Variants in CDH18 observed in about 807,000 individuals in gnomAD.
The protein encoded by CDH18 is cadherin 18.
CDH18 carries 31 observed loss-of-function variants against 67.9 expected under a neutral mutation model. The ratio of observed to expected loss-of-function variants is 0.46; its 90% CI spans 0.34 to 0.62. The LOEUF (loss-of-function observed/expected upper bound fraction) is 0.62. Ranked by LOEUF, CDH18 falls within the 20% of genes least tolerant of loss-of-function variation. The probability of loss-of-function intolerance (pLI) is 0.01; values close to 1 mark genes in which losing one functional copy is unlikely to be tolerated. For missense variants in CDH18, 890 were observed against 975.5 expected (o/e 0.91, Z 1.17); for synonymous variants, 362 against 347.2 (o/e 1.04, Z -0.48).
chr5:20,073,849 G>C (rs1485430179), intron 2 of CDH18, among the ~76,000 whole-genome samples: 1 of 152,060 alleles, frequency 6.6e-6, no homozygotes, highest in Admixed American at 6.5e-5. Context: ...CAGGATTATT[G>C]ATATGCCTAT....
intron 1 of CDH18, among the ~76,000 whole-genome samples, chr5:20,423,548 G>A (rs1748028414): frequency 6.6e-6 from 1 of 150,994 alleles, no homozygotes; most frequent in Non-Finnish European, 1.5e-5. Context: ...ACTGCAAGTA[G>A]AAAAAAGATG....
At chr5:20,505,042 C>T (rs1754575132) in intron 1 of CDH18, among the ~76,000 whole-genome samples, 1 of 151,970 alleles carries the variant, frequency 6.6e-6, no homozygotes, top group Non-Finnish European at 1.5e-5. Flanking sequence ...GCTGGGATTA[C>T]AGGTGTCGGC....
chr5:20,445,763 A>T (rs901581807), intron 1 of CDH18, among the ~76,000 whole-genome samples: 6 of 152,220 alleles, frequency 3.9e-5, no homozygotes, highest in African/African-American at 1.4e-4. Context: ...AATGGAGATT[A>T]ACAGAGCTGG....
chr5:19,617,578 T>A (rs887932601), intron 5 of CDH18, among the ~76,000 whole-genome samples: 2 of 152,234 alleles, frequency 1.3e-5, no homozygotes, highest in Admixed American at 1.3e-4. Context: ...GGTTACGGCA[T>A]ATTCTAAATG....
intron 5 of CDH18, among the ~76,000 whole-genome samples, chr5:19,651,043 A>G (rs768898616): frequency 1.1e-4 from 17 of 152,126 alleles, no homozygotes; most frequent in South Asian, 4.1e-4. Context: ...TGAGCATATT[A>G]TATGTCAACT....
chr5:20,072,930 T>C (rs1743610981), intron 2 of CDH18, among the ~76,000 whole-genome samples: 2 of 152,040 alleles, frequency 1.3e-5, no homozygotes, highest in Non-Finnish European at 2.9e-5. Context: ...ATCATTTAGT[T>C]GCTTGTTTTA....
chr5:20,470,820 C>T (rs62355175), intron 1 of CDH18, among the ~76,000 whole-genome samples: 10,750 of 152,246 alleles, frequency 0.071, 489 homozygotes, highest in African/African-American at 0.12. Context: ...GCACTGTATG[C>T]GCCAAGCTAT....
At chr5:19,750,373 G>T (rs1328474619) in intron 3 of CDH18, among the ~76,000 whole-genome samples, 1 of 152,078 alleles carries the variant, frequency 6.6e-6, no homozygotes, top group Non-Finnish European at 1.5e-5. Flanking sequence ...AGACTCTAGA[G>T]AAGTATTTTA....
At chr5:19,694,502 G>A (rs553618501) in intron 5 of CDH18, among the ~76,000 whole-genome samples, 3 of 152,160 alleles carry the variant, frequency 2.0e-5, no homozygotes, top group East Asian at 3.9e-4. Context: ...TCACACTTAC[G>A]AAGCTTTAAT....
intron 1 of CDH18, among the ~76,000 whole-genome samples, chr5:20,553,739 A>G (rs1249984689): frequency 6.6e-6 from 1 of 152,154 alleles, no homozygotes; most frequent in Non-Finnish European, 1.5e-5. Flanking sequence ...ATAAGACTGA[A>G]CAACATTCTT....
At chr5:20,126,454 G>A (rs561985905) in intron 2 of CDH18, among the ~76,000 whole-genome samples, 2 of 152,168 alleles carry the variant, frequency 1.3e-5, no homozygotes, top group Admixed American at 6.6e-5. Flanking sequence ...AACTAAAGTA[G>A]AGAGGTGGGA....
intron 9 of CDH18, among the ~76,000 whole-genome samples, chr5:19,543,056 T>C (rs190940675): frequency 6.6e-6 from 1 of 152,266 alleles, no homozygotes; most frequent in Admixed American, 6.5e-5. Context: ...GTTTTTTTCA[T>C]GAATACATCA....
intron 2 of CDH18, among the ~76,000 whole-genome samples, chr5:20,212,291 A>G (rs1053286699): frequency 3.3e-5 from 5 of 152,154 alleles, no homozygotes; most frequent in Non-Finnish European, 5.9e-5. Flanking sequence ...AAAAGACCAA[A>G]TCTAAGTCTG....
chr5:20,165,569 T>C (rs1383347762), intron 2 of CDH18, among the ~76,000 whole-genome samples: 2 of 152,126 alleles, frequency 1.3e-5, no homozygotes, highest in South Asian at 2.1e-4. Flanking sequence ...TATATTAGTA[T>C]AGCAATAATC....
At chr5:20,048,551 A>T (rs1477519464) in intron 2 of CDH18, among the ~76,000 whole-genome samples, 1 of 151,736 alleles carries the variant, frequency 6.6e-6, no homozygotes, top group African/African-American at 2.4e-5. Context: ...ATGCAAAATC[A>T]GTATCTCAGA....
chr5:20,058,297 TAAATG>T (rs1742170625), intron 2 of CDH18, among the ~76,000 whole-genome samples: 1 of 152,160 alleles, frequency 6.6e-6, no homozygotes, highest in Non-Finnish European at 1.5e-5. Flanking sequence ...AGACATACCT[TAAATG>T]AAATAGGAAC....
At chr5:19,485,192 G>A (rs1740169675) in intron 11 of CDH18, among the ~76,000 whole-genome samples, 1 of 149,914 alleles carries the variant, frequency 6.7e-6, no homozygotes. Flanking sequence ...AATCTAATGA[G>A]AAATTGAAGA....
At chr5:19,998,612 T>G (rs2150397499) in intron 2 of CDH18, among the ~76,000 whole-genome samples, 1 of 152,262 alleles carries the variant, frequency 6.6e-6, no homozygotes, top group Admixed American at 6.5e-5. Flanking sequence ...TCAATATCTG[T>G]TTTTCATGGA....
chr5:20,253,665 T>A (rs1580593097), intron 2 of CDH18, among the ~76,000 whole-genome samples: 1 of 152,232 alleles, frequency 6.6e-6, no homozygotes, highest in African/African-American at 2.4e-5. Context: ...GCTTGAAGAC[T>A]GGTTTTTGGA....
Sources: allele counts gnomAD v4.1 joint callset (sites outside exome capture counted in the v4.1 genomes callset), GRCh38; gene constraint gnomAD v4.1.1; transcripts MANE v1.5; gene names NCBI Gene and HGNC (gene_info 2026-07-23, HGNC 2026-07-21).